The following GPM6B variants were observed in gnomAD, a reference collection of about 807,000 sequenced individuals.
GPM6B encodes the protein glycoprotein M6B.
In GPM6B, 4 loss-of-function variants were observed where a neutral mutation model predicts 27.2. That is an observed-to-expected ratio of 0.15 (90% confidence interval 0.07 to 0.34). The LOEUF is 0.34. GPM6B is among the 10% of genes least tolerant of loss of function. The pLI is 1.00. For synonymous variants in GPM6B, 124 were observed against 103.1 expected (o/e 1.20, Z -1.23); for missense variants, 183 against 261.9 (o/e 0.70, Z 2.08).
chrX:13,838,681 A>G (rs1436497086), intron 1 of GPM6B, among the ~76,000 whole-genome samples: 1 of 112,007 alleles, frequency 8.9e-6, no homozygotes, highest in Non-Finnish European at 1.9e-5. Flanking sequence ...AGGCCCATGC[A>G]TTCCTGCCTT....
chrX:13,914,878 T>C (rs770492549), intron 1 of GPM6B, among the ~76,000 whole-genome samples: 1 of 111,498 alleles, frequency 9.0e-6, no homozygotes, highest in African/African-American at 3.3e-5. Context: ...TTTTACTGAA[T>C]CCTAAAATGA....
At chrX:13,878,687 T>C (rs2050064511) in intron 1 of GPM6B, among the ~76,000 whole-genome samples, 2 of 111,950 alleles carry the variant, frequency 1.8e-5, no homozygotes, top group Admixed American at 9.5e-5. Context: ...TTACATGACA[T>C]GGCAAACGGG....
At chrX:13,835,805 G>C (rs1026309350) in intron 1 of GPM6B, among the ~76,000 whole-genome samples, 4 of 112,327 alleles carry the variant, frequency 3.6e-5, no homozygotes, top group African/African-American at 1.3e-4. Context: ...GTGCATCCCT[G>C]AGTTTCAAAT....
chrX:13,902,489 T>C lies in GPM6B; in HGVS notation c.-198+35838A>G, dbSNP rs1272169475. Among the ~76,000 whole-genome samples, 3 of 111,274 alleles carry C rather than the reference T, an allele frequency of 2.7e-5. No individual in the cohort carries two copies. In the East Asian group the frequency reaches 8.4e-4, roughly 31 times the overall value. On this transcript the variant is annotated intron_variant, in intron 1 of 6. Transcript: ENST00000398361. ...ATTCTTCAGGGAGGGTATTACTCTA[T>C]TGCCAACGAAGTCACTTAAGCACAC...
At chrX:13,800,865 G>A (rs1260877038) in intron 2 of GPM6B, among the ~76,000 whole-genome samples, 13 of 109,668 alleles carry the variant, frequency 1.2e-4, no homozygotes, top group Non-Finnish European at 2.3e-4. Flanking sequence ...TTAAGAGATC[G>A]GGTCTTGCTA....
At chrX:13,780,117 G>A (rs756109861) in intron 4 of GPM6B, 128 bp from the exon 5 acceptor site, 80 of 478,889 alleles carry the variant, frequency 1.7e-4, no homozygotes, top group African/African-American at 1.3e-3. Context: ...CCCTCGCCCC[G>A]GCATTGGTAG....
At chrX:13,832,736 T>C (rs1001407299) in intron 1 of GPM6B, among the ~76,000 whole-genome samples, 7 of 111,910 alleles carry the variant, frequency 6.3e-5, no homozygotes, top group Non-Finnish European at 1.3e-4. Context: ...TTTAGGTCCT[T>C]TAATCCACTA....
At chrX:13,830,018 A>T (rs2049420463) in intron 1 of GPM6B, among the ~76,000 whole-genome samples, 1 of 111,091 alleles carries the variant, frequency 9.0e-6, no homozygotes, top group African/African-American at 3.3e-5. Context: ...CACTGTCTTG[A>T]AATTCTTAAT....
chrX:13,773,194 A>G (rs1332157214), intron 7 of GPM6B, 164 bp from the exon 8 acceptor site: 2 of 371,023 alleles, frequency 5.4e-6, no homozygotes, highest in Admixed American at 4.9e-5. Flanking sequence ...AGCATGCTCT[A>G]CTAGTTGGCT....
At chrX:13,870,060 T>C (rs1329716164) in intron 1 of GPM6B, among the ~76,000 whole-genome samples, 1 of 111,843 alleles carries the variant, frequency 8.9e-6, no homozygotes, top group Admixed American at 9.5e-5. Flanking sequence ...ATCCCTCAAT[T>C]TGGGTTTGTC....
upstream of GPM6B, chrX:13,938,424 G>A (rs1288757933): frequency 1.6e-5 from 7 of 434,310 alleles, no homozygotes; most frequent in African/African-American, 1.3e-4. Context: ...GCGGGGGAGG[G>A]GCGGGACCCT....
At chrX:13,862,506 A>C (rs1238688239) in intron 1 of GPM6B, among the ~76,000 whole-genome samples, 2 of 111,138 alleles carry the variant, frequency 1.8e-5, no homozygotes, top group African/African-American at 6.6e-5. Context: ...CCCAAACACT[A>C]TTTTCATAAC....
rs766976353 is a variant in GPM6B at position 13,930,399 on chromosome X, G to A, written c.-198+7928C>T. On this transcript the variant is annotated intron_variant, in intron 1 of 6. Coordinates refer to the GPM6B transcript ENST00000398361. ...GGAGGCCGAGGCGGGCAGATCACGA[G>A]GTCAGGAGATCGAGACCACCCTGGC... is the stretch of plus-strand genomic sequence containing the variant. Among the ~76,000 whole-genome samples the A allele has an allele frequency of 3.6e-5, 4 of 111,403 alleles. No homozygotes were observed. The South Asian group carries it at 1.5e-3, about 43-fold the overall frequency.
At position 13,807,649 on chromosome X, in the gene GPM6B, C is replaced by T. The variant is rs771470674; in HGVS notation, c.181+1G>A. The T allele has an allele frequency of 8.5e-7, 1 of 1,182,005 alleles. No homozygotes were observed. Among genetic ancestry groups the T allele is most frequent in the Non-Finnish European group, 1.1e-6 (1 of 876,887 alleles). ...AGAATTCACCCCAAGGCTGTATTTA[C>T]CTGGACTGCTCAAGGGGCTAGCCCT... On this transcript the variant is annotated splice_donor_variant, in intron 2 of 7. Coordinates refer to ENST00000316715, the MANE Select transcript of GPM6B (RefSeq NM_001001995.3). LOFTEE classifies it high-confidence loss of function.
chrX:13,820,099 T>C (rs1180909105), upstream of GPM6B, among the ~76,000 whole-genome samples: 1 of 111,374 alleles, frequency 9.0e-6, no homozygotes, highest in Non-Finnish European at 1.9e-5. Flanking sequence ...TAGGTAGAGA[T>C]AGAAGGCTCA....
intron 1 of GPM6B, among the ~76,000 whole-genome samples, chrX:13,914,139 GCCAGTGTATC>G (rs1204116627): frequency 1.8e-5 from 2 of 111,897 alleles, no homozygotes; most frequent in Admixed American, 9.5e-5. Flanking sequence ...AACATTAATT[GCCAGTGTATC>G]ATTATTCTGA....
chrX:13,828,066 A>G (rs17264399), intron 1 of GPM6B, among the ~76,000 whole-genome samples: 9,781 of 110,969 alleles, frequency 0.088, 646 homozygotes, highest in African/African-American at 0.22. Flanking sequence ...TCATGTCACA[A>G]TGATCTGAGC....
chrX:13,782,046 C>T (rs760123691), intron 4 of GPM6B, among the ~76,000 whole-genome samples: 31 of 111,728 alleles, frequency 2.8e-4, no homozygotes, highest in Non-Finnish European at 5.1e-4. Context: ...AGCCCTGCCC[C>T]GTCACCTGCA....
chrX:13,860,628 T>C (rs985572657), intron 1 of GPM6B, among the ~76,000 whole-genome samples: 2 of 110,962 alleles, frequency 1.8e-5, no homozygotes, highest in African/African-American at 6.6e-5. Flanking sequence ...AAATTCATTT[T>C]AATATTTTAT....
Sources: allele counts gnomAD v4.1 joint callset (sites outside exome capture counted in the v4.1 genomes callset), GRCh38; gene constraint gnomAD v4.1.1; transcripts MANE v1.5; gene names NCBI Gene and HGNC (gene_info 2026-07-23, HGNC 2026-07-21).